Variants in DNAH17 observed in about 807,000 individuals in gnomAD.
DNAH17 encodes dynein axonemal heavy chain 17.
A neutral mutation model predicts 485.6 loss-of-function variants in DNAH17; 376 were observed. The observed-to-expected ratio is 0.77, with a 90% CI of 0.71 to 0.84. The LOEUF is 0.84. DNAH17 is among the 40% of genes least tolerant of loss of function. DNAH17 has a pLI of 0.00. For synonymous variants in DNAH17, 3,031 were observed against 2,405.9 expected, an observed-to-expected ratio of 1.26 and a Z score of -7.60; for missense variants, 6,370 against 5,839.3, an observed-to-expected ratio of 1.09 and a Z score of -2.96.
chr17:78,504,728 C>T (rs556878686), intron 31 of DNAH17, among the ~76,000 whole-genome samples: 53 of 152,212 alleles, frequency 3.5e-4, no homozygotes, highest in African/African-American at 1.1e-3. Context: ...CCGGGGGACG[C>T]GCTTGCTGGG....
rs758811546 is a variant in DNAH17 at position 78,501,877 on chromosome 17, C to A, written c.5191-4G>T. 10 of 1,613,852 alleles carry A rather than the reference C, an allele frequency of 6.2e-6. No individual in the cohort carries two copies. Among genetic ancestry groups the A allele is most frequent in the Middle Eastern group, 1.7e-4 (1 of 6,060 alleles). ...TGAGTACGTTCAGCTGGCTAATCTGCGGGGGAGAGTGCCTTCGATGAGACA... is the reference window on the plus strand; with the variant it reads ...TGAGTACGTTCAGCTGGCTAATCTGAGGGGGAGAGTGCCTTCGATGAGACA... On this transcript the variant is annotated splice_region_variant and splice_polypyrimidine_tract_variant and intron_variant, in intron 33 of 80. Coordinates refer to ENST00000389840, the MANE Select transcript of DNAH17 (RefSeq NM_173628.4).
At chr17:78,560,479 TCCC>T (rs61060108) in intron 13 of DNAH17, among the ~76,000 whole-genome samples, 2 of 151,650 alleles carry the variant, frequency 1.3e-5, no homozygotes, top group Middle Eastern at 3.2e-3. Flanking sequence ...AAAGACTTTT[TCCC>T]CCCCCCCAGT....
chr17:78,496,467 C>T (rs927147559), intron 37 of DNAH17, among the ~76,000 whole-genome samples: 3 of 19,940 alleles, frequency 1.5e-4, no homozygotes, highest in Middle Eastern at 0.023. Context: ...GGGTGGTGGG[C>T]GGGGGGAGGG....
intron 9 of DNAH17, among the ~76,000 whole-genome samples, chr17:78,568,209 G>A (rs543577391): frequency 2.6e-5 from 4 of 152,120 alleles, no homozygotes; most frequent in Non-Finnish European, 5.9e-5. Context: ...AGTCATGTGG[G>A]AACCAGAGCT....
At chr17:78,499,383 T>G in intron 36 of DNAH17, 1 of 312,928 alleles carries the variant, frequency 3.2e-6, no homozygotes, top group Non-Finnish European at 5.8e-6. Context: ...AATAAGGGGC[T>G]CAGACAAGCA....
At position 78,510,522 on chromosome 17, in the gene DNAH17, C is replaced by A; in HGVS notation, c.4114-16G>T. 6.2e-7 allele frequency: 1 copy of A among 1,613,428 alleles called. No individual in the cohort carries two copies. Among genetic ancestry groups the A allele is most frequent in the Non-Finnish European group, 8.5e-7 (1 of 1,179,494 alleles). ...TAAATTTCACCTAAGGGAAAAAAATCCAGGCAGGATTCATTTCAGGTCATG... is the reference window on the plus strand; with the variant it reads ...TAAATTTCACCTAAGGGAAAAAAATACAGGCAGGATTCATTTCAGGTCATG... On this transcript the variant is annotated splice_polypyrimidine_tract_variant and intron_variant, in intron 26 of 80. Transcript: ENST00000389840.
At chr17:78,477,670 C>T (rs1295067019) in intron 51 of DNAH17, among the ~76,000 whole-genome samples, 1 of 152,166 alleles carries the variant, frequency 6.6e-6, no homozygotes, top group Non-Finnish European at 1.5e-5. Context: ...AACCACTGCA[C>T]CCGGCTGGGC....
At chr17:78,429,363 G>GTCAGGC (rs1292333950) in intron 75 of DNAH17, 63 bp from the exon 76 acceptor site, 89 of 1,545,942 alleles carry the variant, frequency 5.8e-5, no homozygotes, top group Non-Finnish European at 7.2e-5. Context: ...CCATGAGAGG[G>GTCAGGC]TCAGGCTCAG....
chr17:78,471,067 T>C (rs1277490927), intron 54 of DNAH17, among the ~76,000 whole-genome samples: 1 of 152,230 alleles, frequency 6.6e-6, no homozygotes, highest in Non-Finnish European at 1.5e-5. Flanking sequence ...TTTGGCGATT[T>C]GCTTATCTAT....
intron 16 of DNAH17, among the ~76,000 whole-genome samples, chr17:78,547,981 CTATT>C (rs1222339750): frequency 6.6e-6 from 1 of 152,058 alleles, no homozygotes; most frequent in Non-Finnish European, 1.5e-5. Flanking sequence ...TACACATTAT[CTATT>C]GTTATTTCCC....
At chr17:78,511,850 G>A (rs953203636) in intron 26 of DNAH17, among the ~76,000 whole-genome samples, 1 of 152,238 alleles carries the variant, frequency 6.6e-6, no homozygotes, top group Non-Finnish European at 1.5e-5. Context: ...TCTCTCCCAG[G>A]GCACCCGGAA....
rs774871905 is a variant in DNAH17, at chr17:78,451,053, C to T, written c.10735-207G>A. 2.3e-4 allele frequency among the ~76,000 whole-genome samples: 35 copies of T among 152,332 alleles called. 1 individual carries two copies. The highest frequency in any genetic ancestry group is 6.8e-3 in the Middle Eastern group (2 of 294). ...CTCCCAGCCTTGAGGCTTCCTGTCACGGAGACTGTAGGGGGCAGAACGGGG... is the reference window on the plus strand; with the variant it reads ...CTCCCAGCCTTGAGGCTTCCTGTCATGGAGACTGTAGGGGGCAGAACGGGG... On this transcript the variant is annotated intron_variant, in intron 66 of 80. Transcript: ENST00000389840.
intron 6 of DNAH17, 69 bp downstream of exon 6, chr17:78,570,865 AAAAAAAAAAAAAAG>A: frequency 7.0e-6 from 5 of 712,638 alleles, no homozygotes; most frequent in East Asian, 3.7e-5. Context: ...TCAAAAAAAA[AAAAAAAAAAAAAAG>A]AAAAAAGAAA....
Position 78,485,648 on chromosome 17 carries a change from G to T in DNAH17, c.7385C>A (p.Ser2462Ter). The T allele has an allele frequency of 1.2e-6, 2 of 1,613,900 alleles. No individual in the cohort carries two copies. Among genetic ancestry groups the T allele is most frequent in the Non-Finnish European group, 1.7e-6 (2 of 1,179,810 alleles). ...TTCCAGCTTGTCCCCCATCAGCACC[G>T]ACTTGCCCGTCCCCGCGTTCCCCAC... ...MLVGNAGTGK[S>*]VLMGDKLESL... Residue 2462 changes from serine (S) to a stop codon, truncating the protein, a stop_gained, in exon 47 of 81, where the codon TCG becomes TAG. Coordinates refer to ENST00000389840, the MANE Select transcript of DNAH17 (RefSeq NM_173628.4). LOFTEE classifies it high-confidence loss of function.
rs376733166 is a variant in DNAH17 at position 78,437,687 on chromosome 17, G to A, written c.11987C>T (p.Thr3996Met). 46 of 1,611,958 alleles carry A rather than the reference G, an allele frequency of 2.9e-5. No individual in the cohort carries two copies. The highest frequency in any genetic ancestry group is 1.9e-4 in the African/African-American group (14 of 74,916). ...CTTGTGCAAGTTGGCGTGCATGCCC[G>A]TGGGGGGCTCGTTGGTGATCTTGAT... The part of the protein sequence containing the change: ...NAIKITNEPP[T>M]GMHANLHKAL... Residue 3996 changes from threonine (T) to methionine (M), a missense_variant, in exon 74 of 81, where the codon ACG (threonine) becomes ATG (methionine). Physicochemically the swap from Thr to Met is moderately conservative, Grantham distance 81 (BLOSUM62 -1). Coordinates refer to ENST00000389840, the MANE Select transcript of DNAH17 (RefSeq NM_173628.4).
In DNAH17 at chr17:78,526,496, G is replaced by A. The variant is rs974512198; in HGVS notation, c.3711+155C>T. ...CACACCCATGCATGTGCTCGCACAC[G>A]TATGTGCATGCATACACATAAGAGC... On this transcript the variant is annotated intron_variant, in intron 24 of 80. Coordinates refer to ENST00000389840, the MANE Select transcript of DNAH17 (RefSeq NM_173628.4). 54 of 605,664 alleles carry A rather than the reference G, an allele frequency of 8.9e-5. 1 individual carries two copies. Among genetic ancestry groups the A allele is most frequent in the South Asian group, 3.0e-4 (13 of 43,704 alleles). 37.5% of individuals were successfully genotyped at this position (605,664 alleles called of 1,614,324 possible). A position where few individuals can be genotyped will look rare whatever the true frequency, so the allele number is the denominator to read the frequency against.
chr17:78,439,223 G>T lies in DNAH17; in HGVS notation c.11678-6C>A, dbSNP rs1352086220. ...GGTAAACCCTAGTTTTTTTCCTAAA[G>T]AAAAGAAAAACAGGAAAAAAACACC... is the stretch of plus-strand genomic sequence containing the variant. On this transcript the variant is annotated splice_polypyrimidine_tract_variant and splice_region_variant and intron_variant, in intron 72 of 80. Transcript: ENST00000389840. The T allele has an allele frequency of 7.5e-6, 12 of 1,593,738 alleles. No individual in the cohort carries two copies. Among genetic ancestry groups the T allele is most frequent in the South Asian group, 1.1e-5 (1 of 88,440 alleles).
intron 71 of DNAH17, among the ~76,000 whole-genome samples, chr17:78,444,388 C>T (rs982936952): frequency 2.6e-5 from 4 of 152,170 alleles, no homozygotes; most frequent in African/African-American, 7.2e-5. Context: ...GACTGGAGTC[C>T]GCAGCCTGGG....
chr17:78,520,851 A>AT (rs1310177352), intron 25 of DNAH17, among the ~76,000 whole-genome samples: 4 of 152,190 alleles, frequency 2.6e-5, no homozygotes, highest in African/African-American at 9.7e-5. Context: ...ATAAGGTTTT[A>AT]TTTTTTTATA....
Sources: gnomAD v4.1 joint callset for allele counts (sites outside exome capture counted in the v4.1 genomes callset) on GRCh38, gnomAD v4.1.1 for gene constraint, MANE v1.5 for transcripts, NCBI Gene and HGNC (gene_info 2026-07-23, HGNC 2026-07-21) for gene names.